The following ZNF76 variants were observed in gnomAD, a reference collection of about 807,000 sequenced individuals.
The protein encoded by ZNF76 is zinc finger protein 76.
A neutral mutation model predicts 66.9 loss-of-function variants in ZNF76; 66 were observed. The ratio of observed to expected loss-of-function variants is 0.99; its 90% CI spans 0.81 to 1.21. ZNF76 has a LOEUF of 1.21. ZNF76 is among the 50% of genes most tolerant of loss of function. The pLI is 0.00. For missense variants in ZNF76, 729 were observed against 760.3 expected, an observed-to-expected ratio of 0.96 and a Z score of 0.48; for synonymous variants, 275 against 296.1, an observed-to-expected ratio of 0.93 and a Z score of 0.73.
At chr6:35,261,114 C>G (rs1785182788) in intron 1 of ZNF76, among the ~76,000 whole-genome samples, 1 of 152,224 alleles carries the variant, frequency 6.6e-6, no homozygotes, top group Non-Finnish European at 1.5e-5. Context: ...TAACTTCAGT[C>G]TCCACCTCTG....
At chr6:35,260,118 C>G (rs1479020987) in intron 1 of ZNF76, among the ~76,000 whole-genome samples, 1 of 151,636 alleles carries the variant, frequency 6.6e-6, no homozygotes, top group East Asian at 1.9e-4. Context: ...GACCCCAAGA[C>G]CTCACCAGGT....
intron 1 of ZNF76, among the ~76,000 whole-genome samples, chr6:35,265,758 C>T (rs961087031): frequency 1.5e-4 from 22 of 151,180 alleles, no homozygotes; most frequent in African/African-American, 4.9e-4. Context: ...CCAGCCAATA[C>T]GGCTGCAGTA....
chr6:35,286,715 GA>G (rs916810966), intron 4 of ZNF76: 2 of 429,182 alleles, frequency 4.7e-6, no homozygotes, highest in Non-Finnish European at 8.5e-6. Flanking sequence ...CCAAGACCAG[GA>G]AAAAAAACTA....
Position 35,292,559 on chromosome 6 carries a change from A to G in ZNF76, c.937A>G (p.Lys313Glu). Residue 313 changes from lysine to glutamate, a missense_variant, in exon 10 of 14, where the codon AAG (lysine) becomes GAG (glutamate). Transcript: ENST00000373953. The surrounding 1 kb of genome is among the most constrained non-coding windows in gnomAD (Gnocchi z 4.7). ...TCACAGCCCAGTGTCCCCAGGGGAG[A>G]AGCCATACGTTTGCACGGTGCCAGG... ...KNHVRIHTGE[K>E]PYVCTVPGCG... The G allele has an allele frequency of 6.2e-7, 1 of 1,612,962 alleles. No individual in the cohort carries two copies. The highest frequency in any genetic ancestry group is 8.5e-7 in the Non-Finnish European group (1 of 1,179,938).
At chr6:35,288,884 G>C (rs1464540852) in intron 5 of ZNF76, among the ~76,000 whole-genome samples, 1 of 151,400 alleles carries the variant, frequency 6.6e-6, no homozygotes, top group African/African-American at 2.4e-5. Flanking sequence ...TCAGGAGGCG[G>C]TGACTGCAAT....
intron 1 of ZNF76, among the ~76,000 whole-genome samples, chr6:35,280,520 C>G (rs373536220): frequency 0.094 from 11,777 of 125,946 alleles, 1,380 homozygotes; most frequent in African/African-American, 0.26. Context: ...GCATGATCCC[C>G]CCCCCCCCCG....
chr6:35,260,728 A>G (rs1785122735), intron 1 of ZNF76, among the ~76,000 whole-genome samples: 1 of 152,162 alleles, frequency 6.6e-6, no homozygotes, highest in South Asian at 2.1e-4. Flanking sequence ...TCAGTTTCTC[A>G]TCATGACTGT....
At chr6:35,280,079 C>T (rs1158879211) in intron 1 of ZNF76, among the ~76,000 whole-genome samples, 5 of 151,956 alleles carry the variant, frequency 3.3e-5, no homozygotes, top group Non-Finnish European at 7.4e-5. Flanking sequence ...AATCCTCCTG[C>T]CTCAGCCTCC....
chr6:35,284,363 G>A (rs1048155390), intron 2 of ZNF76, among the ~76,000 whole-genome samples: 1 of 151,744 alleles, frequency 6.6e-6, no homozygotes, highest in Non-Finnish European at 1.5e-5. Context: ...CAAAGTGCTG[G>A]GATTATAAGT....
chr6:35,263,235 A>G (rs1289618407), intron 1 of ZNF76, among the ~76,000 whole-genome samples: 1 of 152,232 alleles, frequency 6.6e-6, no homozygotes, highest in Non-Finnish European at 1.5e-5. Context: ...TTTAGAGGGC[A>G]GGGAGAGAGC....
intron 7 of ZNF76, 21 bp from the exon 8 acceptor site, chr6:35,291,257 C>A (rs1790336134): frequency 6.3e-7 from 1 of 1,593,260 alleles, no homozygotes; most frequent in South Asian, 1.1e-5. Context: ...ATCTCACCCC[C>A]TGCCTGCCAC....
At chr6:35,278,765 C>T (rs1183706971) in intron 1 of ZNF76, among the ~76,000 whole-genome samples, 1 of 152,258 alleles carries the variant, frequency 6.6e-6, no homozygotes, top group Non-Finnish European at 1.5e-5. Flanking sequence ...GAGCAGGCTG[C>T]ACACCACAGT....
Position 35,287,625 on chromosome 6 carries a change from C to A in ZNF76, c.233-21C>A. The A allele has an allele frequency of 6.3e-7, 1 of 1,587,696 alleles. No individual in the cohort carries two copies. Among genetic ancestry groups the A allele is most frequent in the South Asian group, 1.2e-5 (1 of 86,720 alleles). On this transcript the variant is annotated intron_variant, in intron 4 of 13. Transcript: ENST00000373953. This position sits in a 1 kb window ranked among gnomAD's most constrained non-coding sequence, Gnocchi z 4.0. ...CTCTTCCCCTTGTGTGGCATCAGGG[C>A]TAACCGCGTGTTCCCTGCAGAAGGC...
At chr6:35,261,257 G>A (rs1785213755) in intron 1 of ZNF76, among the ~76,000 whole-genome samples, 1 of 152,170 alleles carries the variant, frequency 6.6e-6, no homozygotes, top group Non-Finnish European at 1.5e-5. Context: ...TGTCCTGAGT[G>A]CTAGGGATTT....
In ZNF76 at chr6:35,286,329, C is replaced by G. The variant is rs1562118691; in HGVS notation, c.162C>G (p.Leu54=). The change falls in exon 4 of 14, where the codon CTC becomes CTG. Residue 54 remains leucine (L), a synonymous_variant. Transcript: ENST00000373953. ...IHQVTVQKEA[L]SFEDGQPVQL... ...GCATTGCTCTCGTTACAGAAGCTCT[C>G]TCCTTTGAGGATGGTCAGCCTGTGC... 10 of 1,614,216 alleles carry G rather than the reference C, an allele frequency of 6.2e-6. No homozygotes were observed. The highest frequency in any genetic ancestry group is 8.5e-6 in the Non-Finnish European group (10 of 1,180,038).
Position 35,286,183 on chromosome 6 carries a change from C to T in ZNF76, c.129C>T (p.Tyr43=). 6.2e-7 allele frequency: 1 copy of T among 1,614,192 alleles called. No homozygotes were observed. The highest frequency in any genetic ancestry group is 1.1e-5 in the South Asian group (1 of 91,082). ...AGCTCGAGGATGGGACCACCGCATA[C>T]ATTCACCAGGTGACGGTACAGAAAG... is the stretch of plus-strand genomic sequence containing the variant. ...VIQLEDGTTA[Y]IHQVTVQKEA... is the part of the protein sequence containing the mutation. Residue 43 remains tyrosine (Y), a synonymous_variant, in exon 3 of 14, where the codon TAC becomes TAT. Coordinates refer to ENST00000373953, the MANE Select transcript of ZNF76 (RefSeq NM_003427.5).
At chr6:35,284,152 C>T (rs1279474529) in intron 2 of ZNF76, among the ~76,000 whole-genome samples, 2 of 150,492 alleles carry the variant, frequency 1.3e-5, no homozygotes, top group Non-Finnish European at 3.0e-5. Flanking sequence ...AGTGCAGTGG[C>T]GTGATCTCGG....
chr6:35,294,000 A>G (rs986371307), intron 12 of ZNF76, 85 bp downstream of exon 12: 1 of 1,481,314 alleles, frequency 6.8e-7, no homozygotes, highest in African/African-American at 1.4e-5. Flanking sequence ...TAAACTAGTC[A>G]AGTCTTCTTA....
In ZNF76 at chr6:35,294,927, T is replaced by A. The variant is rs143598863; in HGVS notation, c.1609-217T>A. On this transcript the variant is annotated intron_variant, in intron 13 of 13. Transcript: ENST00000373953. ...TCCTCCGTGAGCAAGTGGGTCTCTC[T>A]GACCCTGGCTATTCCAGGGCCCCCT... The A allele has an allele frequency of 6.1e-4, 358 of 587,372 alleles. 2 individuals carry two copies. Among genetic ancestry groups the A allele is most frequent in the Middle Eastern group, 2.7e-3 (6 of 2,204 alleles). The allele number at this position is 587,372 out of a possible 1,614,324, so 36.4% of individuals were successfully genotyped here. A position where few individuals can be genotyped will look rare whatever the true frequency, so the allele number is the denominator to read the frequency against.
Sources: gnomAD v4.1 joint callset for allele counts (sites outside exome capture counted in the v4.1 genomes callset) on GRCh38, gnomAD v4.1.1 for gene constraint, Gnocchi (gnomAD v3.1) non-coding constraint, MANE v1.5 for transcripts, NCBI Gene and HGNC (gene_info 2026-07-23, HGNC 2026-07-21) for gene names.